Variants in ELP4 observed in about 807,000 individuals in gnomAD.
The protein encoded by ELP4 is elongator complex protein 4.
A neutral mutation model predicts 48.9 loss-of-function variants in ELP4; 51 were observed. The ratio of observed to expected loss-of-function variants is 1.04; its 90% CI spans 0.83 to 1.32. The LOEUF (loss-of-function observed/expected upper bound fraction) is 1.32. ELP4 is among the 40% of genes most tolerant of loss of function. The probability of loss-of-function intolerance (pLI) is 0.00; values close to 1 mark genes in which losing one functional copy is unlikely to be tolerated. For missense variants in ELP4, 519 were observed against 514.6 expected (o/e 1.01, Z -0.08); for synonymous variants, 210 against 189.2 (o/e 1.11, Z -0.90).
chr11:31,680,088 A>C (rs1407952316), intron 9 of ELP4, among the ~76,000 whole-genome samples: 1 of 152,042 alleles, frequency 6.6e-6, no homozygotes, highest in Non-Finnish European at 1.5e-5. Context: ...TCATTTCTAC[A>C]ATCATAGAGG....
At chr11:31,636,374 C>T (rs1484016700) in intron 7 of ELP4, among the ~76,000 whole-genome samples, 2 of 151,832 alleles carry the variant, frequency 1.3e-5, no homozygotes, top group South Asian at 2.1e-4. Flanking sequence ...TATTTGAGTG[C>T]ATTATATAAA....
At chr11:31,654,605 G>T (rs572824308) in intron 9 of ELP4, 1 of 151,790 alleles carries the variant, frequency 6.6e-6, no homozygotes, top group East Asian at 1.9e-4. Context: ...TATTCAGTAG[G>T]ATTATTCAAT....
At chr11:31,561,592 C>A (rs551671804) in intron 3 of ELP4, among the ~76,000 whole-genome samples, 1 of 152,106 alleles carries the variant, frequency 6.6e-6, no homozygotes, top group Non-Finnish European at 1.5e-5. Flanking sequence ...TACAGGCTCC[C>A]GCCGCCACAC....
rs1945667587 is a variant in ELP4, at chr11:31,666,031, C to CA, written c.1143+15811dup. ...TTTTTTTTTTTTTTTTTTTTTGTGA[C>CA]AGAGTTTCACTCTGTCCCCCAGGCT... On this transcript the variant is annotated intron_variant, in intron 9 of 9. Transcript: ENST00000640961. Among the ~76,000 whole-genome samples, 4 of 70,540 alleles carry CA rather than the reference C, an allele frequency of 5.7e-5. 1 individual carries two copies. In the South Asian group the frequency reaches 1.9e-3, roughly 33 times the overall value. 46.3% of individuals were successfully genotyped at this position (70,540 alleles called of 152,430 possible). A position where few individuals can be genotyped will look rare whatever the true frequency, so the allele number is the denominator to read the frequency against.
intron 3 of ELP4, among the ~76,000 whole-genome samples, chr11:31,571,602 A>AG (rs1451560048): frequency 3.3e-5 from 5 of 152,344 alleles, no homozygotes; most frequent in Admixed American, 3.3e-4. Context: ...TATCCATCAG[A>AG]GGAATCACTA....
At chr11:31,709,459 G>A (rs1946696870) in intron 9 of ELP4, among the ~76,000 whole-genome samples, 1 of 152,054 alleles carries the variant, frequency 6.6e-6, no homozygotes, top group Admixed American at 6.6e-5. Context: ...TAAGTATGTG[G>A]AAAGCATTGT....
intron 9 of ELP4, among the ~76,000 whole-genome samples, chr11:31,753,284 C>CTTTAT (rs1453686589): frequency 2.6e-5 from 4 of 152,200 alleles, no homozygotes; most frequent in African/African-American, 7.2e-5. Flanking sequence ...TTGCCCTCTA[C>CTTTAT]TTTATGTCTT....
At chr11:31,589,690 T>C (rs1055422803) in intron 3 of ELP4, among the ~76,000 whole-genome samples, 6 of 152,196 alleles carry the variant, frequency 3.9e-5, no homozygotes, top group East Asian at 3.8e-4. Flanking sequence ...TCTATAGTAG[T>C]ATATTTTATA....
At chr11:31,659,558 A>G (rs576384467) in intron 9 of ELP4, among the ~76,000 whole-genome samples, 1 of 152,296 alleles carries the variant, frequency 6.6e-6, no homozygotes, top group Admixed American at 6.5e-5. Context: ...ATTATTGCTC[A>G]ATATAAATGA....
At chr11:31,550,281 T>C (rs1038172118) in intron 3 of ELP4, among the ~76,000 whole-genome samples, 2 of 152,144 alleles carry the variant, frequency 1.3e-5, no homozygotes, top group Admixed American at 6.5e-5. Context: ...AAGTCATTAA[T>C]GGTGAGAAAG....
At chr11:31,678,410 C>A (rs1462788233) in intron 9 of ELP4, among the ~76,000 whole-genome samples, 1 of 151,904 alleles carries the variant, frequency 6.6e-6, no homozygotes. Context: ...GGTCGCACAC[C>A]ACTGCACTCC....
intron 9 of ELP4, among the ~76,000 whole-genome samples, chr11:31,681,553 C>G (rs998810963): frequency 6.6e-6 from 1 of 152,026 alleles, no homozygotes; most frequent in Non-Finnish European, 1.5e-5. Context: ...GGATAAAATG[C>G]TGTGAGACTT....
intron 9 of ELP4, among the ~76,000 whole-genome samples, chr11:31,751,756 C>G (rs1369971040): frequency 6.6e-6 from 1 of 152,164 alleles, no homozygotes; most frequent in East Asian, 1.9e-4. Flanking sequence ...CACCCATCTC[C>G]TACTCTAATG....
At chr11:31,727,562 C>G (rs1238545968) in intron 9 of ELP4, among the ~76,000 whole-genome samples, 2 of 152,138 alleles carry the variant, frequency 1.3e-5, no homozygotes, top group Non-Finnish European at 2.9e-5. Context: ...ATGACTCCCT[C>G]CCTTCCAAAC....
intron 9 of ELP4, among the ~76,000 whole-genome samples, chr11:31,775,993 TAAAA>T (rs980378205): frequency 2.0e-5 from 3 of 151,138 alleles, no homozygotes; most frequent in African/African-American, 7.3e-5. Flanking sequence ...AATTAAAAAT[TAAAA>T]AAAATCAGTT....
Position 31,608,039 on chromosome 11 carries a change from A to AT in ELP4, c.653+4147dup, listed in dbSNP as rs35425354. On this transcript the variant is annotated intron_variant, in intron 5 of 9. Transcript: ENST00000640961. ...TTGGAGGTGGGTAATAGAGTTTGCAATTTTTTTTTTTTTTTAGGGAAGCCT... is the reference window on the plus strand; with the variant it reads ...TTGGAGGTGGGTAATAGAGTTTGCAATTTTTTTTTTTTTTTTAGGGAAGCCT... Among the ~76,000 whole-genome samples, 146 of 146,154 alleles carry AT rather than the reference A, an allele frequency of 1.0e-3. 1 individual carries two copies. Among genetic ancestry groups the AT allele is most frequent in the African/African-American group, 2.6e-3 (101 of 39,536 alleles).
intron 1 of ELP4, among the ~76,000 whole-genome samples, chr11:31,515,961 A>G (rs1417125663): frequency 6.6e-6 from 1 of 152,080 alleles, no homozygotes; most frequent in Non-Finnish European, 1.5e-5. Context: ...ATACAAAAAA[A>G]TTTGCCGGGT....
chr11:31,743,603 C>G (rs971495953), intron 9 of ELP4, among the ~76,000 whole-genome samples: 4 of 152,124 alleles, frequency 2.6e-5, no homozygotes, highest in Admixed American at 6.5e-5. Flanking sequence ...TCACTCAAAA[C>G]CGCTCAACTA....
chr11:31,713,196 G>A (rs962983999), intron 9 of ELP4, among the ~76,000 whole-genome samples: 7 of 152,090 alleles, frequency 4.6e-5, no homozygotes, highest in Admixed American at 1.3e-4. Flanking sequence ...TCAATTTTCC[G>A]TAAAATGATG....
Sources: allele counts gnomAD v4.1 joint callset (sites outside exome capture counted in the v4.1 genomes callset), GRCh38; gene constraint gnomAD v4.1.1; transcripts MANE v1.5; gene names NCBI Gene and HGNC (gene_info 2026-07-23, HGNC 2026-07-21).